The following SYT3 variants were observed in gnomAD, a reference collection of about 807,000 sequenced individuals.
SYT3 encodes synaptotagmin-3.
A neutral mutation model predicts 50.6 loss-of-function variants in SYT3; 25 were observed. The observed-to-expected ratio is 0.49, with a 90% CI of 0.36 to 0.69. SYT3 has a LOEUF of 0.69. Ranked by LOEUF, SYT3 falls within the 30% of genes least tolerant of loss-of-function variation. The pLI, the probability that SYT3 is intolerant of heterozygous loss-of-function variation, is 0.00. For synonymous variants in SYT3, 323 were observed against 353.9 expected, an observed-to-expected ratio of 0.91 and a Z score of 0.98; for missense variants, 589 against 793.6, an observed-to-expected ratio of 0.74 and a Z score of 3.10.
At chr19:50,657,516 C>T in the SYT3 span, among the ~76,000 whole-genome samples, 1 of 152,156 alleles carries the variant, frequency 6.6e-6, no homozygotes, top group Non-Finnish European at 1.5e-5. Flanking sequence ...AATAGATTGA[C>T]AAGACATCAA....
chr19:50,640,463 G>A (rs190689906), upstream of SYT3, among the ~76,000 whole-genome samples: 111 of 152,334 alleles, frequency 7.3e-4, 1 homozygote, highest in East Asian at 0.012. Flanking sequence ...ACAGTTTCTG[G>A]TATATTAATA....
intron 4 of SYT3, 32 bp from the exon 5 acceptor site, chr19:50,630,203 G>A (rs1265087179): frequency 6.7e-7 from 1 of 1,484,820 alleles, no homozygotes; most frequent in Middle Eastern, 2.5e-4. Context: ...CCAAGGTGAG[G>A]TCAGTGGCTC....
At chr19:50,631,170 T>TC (rs1984290700) in intron 4 of SYT3, among the ~76,000 whole-genome samples, 1 of 17,556 alleles carries the variant, frequency 5.7e-5, no homozygotes, top group African/African-American at 6.2e-4. Context: ...TTTCTTTCTT[T>TC]TTTTTTTTTT....
rs1171320405 is a variant in SYT3 at position 50,639,772 on chromosome 19, G to C, written c.-154+18C>G. On this transcript the variant is annotated intron_variant, in intron 1 of 10. Transcript: ENST00000600079. The surrounding 1 kb of genome is among the most constrained non-coding windows in gnomAD (Gnocchi z 4.6). Reference sequence around the variant, plus strand: ...GGGGCTGGGGCTGTGGCAGGAGGAGGGGGAGGAGCGGACTCACCCGGAGCC... The same window carrying C: ...GGGGCTGGGGCTGTGGCAGGAGGAGCGGGAGGAGCGGACTCACCCGGAGCC... 2.0e-5 allele frequency: 3 copies of C among 153,656 alleles called. No individual in the cohort carries two copies. Among genetic ancestry groups the C allele is most frequent in the Non-Finnish European group, 4.2e-5 (3 of 71,810 alleles). 9.5% of individuals were successfully genotyped at this position (153,656 alleles called of 1,614,324 possible). A position where few individuals can be genotyped will look rare whatever the true frequency, so the allele number is the denominator to read the frequency against.
chr19:50,647,455 G>A, the SYT3 span, among the ~76,000 whole-genome samples: 1 of 152,066 alleles, frequency 6.6e-6, no homozygotes, highest in Admixed American at 6.6e-5. Flanking sequence ...GGAGGCTGAG[G>A]TGGGAGGATT....
chr19:50,646,765 T>C, the SYT3 span, among the ~76,000 whole-genome samples: 1 of 151,964 alleles, frequency 6.6e-6, no homozygotes, highest in African/African-American at 2.4e-5. Flanking sequence ...AGACACAGCA[T>C]ATGGAAAGAG....
rs376869372 is a variant in SYT3, at chr19:50,632,386, C to T, written c.574G>A (p.Gly192Arg). Residue 192 changes from glycine to arginine, a missense_variant, in exon 4 of 11, where the codon GGG becomes AGG. Physicochemically the swap from Gly to Arg is moderately radical, Grantham distance 125. Coordinates refer to ENST00000600079, the MANE Select transcript of SYT3 (RefSeq NM_001160329.2). The surrounding 1 kb of genome is among the most constrained non-coding windows in gnomAD (Gnocchi z 4.7). ...SQTSPELPSE[G>R]GAGSGLLLLP... is the part of the protein sequence containing the mutation. ...AGGAGCAACCCAGAGCCTGCTCCCCCCTCAGAGGGCAGCTCAGGGGATGTT... is the reference window on the plus strand; with the variant it reads ...AGGAGCAACCCAGAGCCTGCTCCCCTCTCAGAGGGCAGCTCAGGGGATGTT... 8.7e-6 allele frequency: 14 copies of T among 1,613,302 alleles called. No homozygotes were observed. The highest frequency in any genetic ancestry group is 3.3e-5 in the Admixed American group (2 of 60,018).
At chr19:50,652,285 A>G in the SYT3 span, among the ~76,000 whole-genome samples, 3 of 152,236 alleles carry the variant, frequency 2.0e-5, no homozygotes, top group African/African-American at 7.2e-5. Context: ...GCTTTATTCA[A>G]TAAATACTAA....
rs768170643 is a variant in SYT3, at chr19:50,629,325, G to C, written c.1250C>G (p.Pro417Arg). 3 of 1,611,824 alleles carry C rather than the reference G, an allele frequency of 1.9e-6. No homozygotes were observed. The highest frequency in any genetic ancestry group is 2.5e-6 in the Non-Finnish European group (3 of 1,178,750). The change falls in exon 6 of 11, where the codon CCG becomes CGG. Residue 417 changes from proline to arginine, a missense_variant. Around this residue, in one of 2 missense-constraint regions of SYT3, gnomAD observed 273 missense variants for 439.3 expected, o/e 0.62. Transcript: ENST00000600079. ...LELAEQPPDRPLWRDIVEGGS... is the reference protein window; with the variant it reads ...LELAEQPPDRRLWRDIVEGGS... ...GCCCTCCACGATGTCCCTCCAGAGC[G>C]GGCGGTCAGGGGGCTGCTCGGCCAG...
At position 50,632,729 on chromosome 19, in the gene SYT3, C is replaced by A; in HGVS notation, c.231G>T (p.Lys77Asn). 2 of 1,574,708 alleles carry A rather than the reference C, an allele frequency of 1.3e-6. No individual in the cohort carries two copies. Among genetic ancestry groups the A allele is most frequent in the South Asian group, 1.1e-5 (1 of 87,164 alleles). Residue 77 changes from lysine to asparagine, a missense_variant, in exon 4 of 11, where the codon AAG becomes AAT. This residue lies in a region of SYT3 where 316 missense variants were observed against 354.3 expected (regional missense o/e 0.89). Coordinates refer to ENST00000600079, the MANE Select transcript of SYT3 (RefSeq NM_001160329.2). The surrounding 1 kb of genome is among the most constrained non-coding windows in gnomAD (Gnocchi z 4.7). The stretch of plus-strand genomic sequence containing the variant: ...TGTCCCGCCAGGGCACCCAGCACAA[C>A]TTCCAGGACACGAAGAGAGAGACAC... Reference protein sequence around the residue: ...LLGVSLFVSWKLCWVPWRDKG... With the variant: ...LLGVSLFVSWNLCWVPWRDKG...
intron 6 of SYT3, among the ~76,000 whole-genome samples, chr19:50,626,951 A>AAG (rs149199984): frequency 9.5e-4 from 141 of 147,876 alleles, no homozygotes; most frequent in Non-Finnish European, 1.8e-3. Context: ...CACCAAGAGA[A>AAG]AGAGAGAGAG....
chr19:50,653,682 GCACACACACACACA>G, the SYT3 span, among the ~76,000 whole-genome samples: 4,734 of 121,884 alleles, frequency 0.039, 266 homozygotes, highest in African/African-American at 0.11. Context: ...ATGAGAGACA[GCACACACACACACA>G]CACACACACA....
chr19:50,638,058 A>G (rs2123023682), intron 2 of SYT3: 1 of 152,494 alleles, frequency 6.6e-6, no homozygotes, highest in Admixed American at 6.5e-5. Flanking sequence ...ACAAGCAAAC[A>G]AAAACACATA....
chr19:50,629,247 G>C, intron 6 of SYT3, 47 bp downstream of exon 6: 1 of 1,487,754 alleles, frequency 6.7e-7, no homozygotes, highest in South Asian at 1.3e-5. Context: ...AACCCGGGGG[G>C]TCTCAGGGCC....
chr19:50,625,448 C>T lies in SYT3; in HGVS notation c.1519G>A (p.Ala507Thr), dbSNP rs78175900. The change falls in exon 8 of 11, where the codon GCC (alanine) becomes ACC (threonine). Residue 507 changes from alanine (A) to threonine (T), a missense_variant. Ala to Thr is a moderately conservative substitution (Grantham distance 58, BLOSUM62 0). Around this residue, in one of 2 missense-constraint regions of SYT3, gnomAD observed 273 missense variants for 439.3 expected, o/e 0.62. Coordinates refer to ENST00000600079, the MANE Select transcript of SYT3 (RefSeq NM_001160329.2). The surrounding 1 kb of genome is among the most constrained non-coding windows in gnomAD (Gnocchi z 7.5). Reference protein sequence around the residue: ...TYNEALVFDVAPESVENVGLS... With the variant: ...TYNEALVFDVTPESVENVGLS... ...CCCACGTTCTCCACGCTCTCGGGGG[C>T]CACGTCGAACACCAGCGCCTCATTA... The T allele has an allele frequency of 2.1e-5, 33 of 1,584,110 alleles. No homozygotes were observed. In the African/African-American group the frequency reaches 4.0e-4, roughly 19 times the overall value.
chr19:50,623,559 C>T (rs1175590754), intron 9 of SYT3, among the ~76,000 whole-genome samples: 5 of 9,442 alleles, frequency 5.3e-4, no homozygotes, highest in African/African-American at 2.3e-3. Context: ...GGGTGGATCA[C>T]TTGAGGTGGG....
chr19:50,642,742 G>T (rs2123030395), upstream of SYT3, among the ~76,000 whole-genome samples: 1 of 152,224 alleles, frequency 6.6e-6, no homozygotes, highest in South Asian at 2.1e-4. Context: ...GCTGAAGCAG[G>T]AGAATCACTT....
chr19:50,623,545 A>G (rs540931458), intron 9 of SYT3, among the ~76,000 whole-genome samples: 1 of 98,554 alleles, frequency 1.0e-5, no homozygotes, highest in East Asian at 3.6e-4. Context: ...TGGGAGCCCA[A>G]GGTGGGTGGA....
the SYT3 span, among the ~76,000 whole-genome samples, chr19:50,648,946 G>T: frequency 6.6e-6 from 1 of 151,880 alleles, no homozygotes; most frequent in African/African-American, 2.4e-5. Flanking sequence ...CAGAGAGAGG[G>T]TGACGGGGTT....
Sources: gnomAD v4.1 joint callset for allele counts (sites outside exome capture counted in the v4.1 genomes callset) on GRCh38, gnomAD v4.1.1 for gene constraint, gnomAD v4.1.1 regional missense constraint, Gnocchi (gnomAD v3.1) non-coding constraint, MANE v1.5 for transcripts, NCBI Gene and HGNC (gene_info 2026-07-23, HGNC 2026-07-21) for gene names.